The following JCAD variants were observed in gnomAD, a reference collection of about 807,000 sequenced individuals.
The protein encoded by JCAD is junctional cadherin 5 associated.
Under a neutral mutation model 98.0 loss-of-function variants are expected in JCAD, and 40 were observed. That is an observed-to-expected ratio of 0.41 (90% CI 0.32 to 0.53). JCAD has a LOEUF of 0.53. Among genes scored for constraint, JCAD ranks in the 20% least tolerant of loss-of-function variants. The pLI, the probability that JCAD is intolerant of heterozygous loss-of-function variation, is 0.31. For synonymous variants in JCAD, 691 were observed against 682.3 expected (o/e 1.01, Z -0.20); for missense variants, 1,705 against 1,738.1 (o/e 0.98, Z 0.34).
At position 30,016,643 on chromosome 10, in the gene JCAD, G is replaced by T. The variant is rs1367093745; in HGVS notation, c.*1240C>A. ...TCAAGATCATTCTAGATAAAAATAC[G>T]TATTTCTTTAAAGGGGTGGGGTGGC... On this transcript the variant is annotated 3_prime_UTR_variant, in exon 4 of 4. Transcript: ENST00000375377. 1 of 151,112 alleles carries T rather than the reference G, an allele frequency of 6.6e-6. No individual in the cohort carries two copies. The highest frequency in any genetic ancestry group is 2.4e-5 in the African/African-American group (1 of 41,166). 9.4% of individuals were successfully genotyped at this position (151,112 alleles called of 1,614,324 possible). A position where few individuals can be genotyped will look rare whatever the true frequency, so the allele number is the denominator to read the frequency against.
At chr10:30,025,995 G>T in intron 3 of JCAD, 108 bp downstream of exon 3, 1 of 1,277,226 alleles carries the variant, frequency 7.8e-7, no homozygotes, top group Non-Finnish European at 1.1e-6. Flanking sequence ...GGGTCAACTT[G>T]ATCTTTTCTG....
At chr10:30,064,170 T>C (rs1300736053), upstream of JCAD, among the ~76,000 whole-genome samples, 1 of 152,142 alleles carries the variant, frequency 6.6e-6, no homozygotes, top group East Asian at 1.9e-4. Flanking sequence ...TGGATTAATC[T>C]ATTCATGGAT....
At chr10:30,092,126 A>ATATATATATATATATATAT (rs1491284119) in intron 1 of JCAD, among the ~76,000 whole-genome samples, 7 of 107,076 alleles carry the variant, frequency 6.5e-5, no homozygotes, top group South Asian at 2.9e-4. Flanking sequence ...ATATATATAT[A>ATATATATATATATATATAT]AAAAACATTT....
chr10:30,063,941 G>A (rs188387682), upstream of JCAD, among the ~76,000 whole-genome samples: 2 of 152,092 alleles, frequency 1.3e-5, no homozygotes, highest in Admixed American at 1.3e-4. Flanking sequence ...TGAATAGCTG[G>A]GATTATAGGC....
At chr10:30,102,892 C>A (rs925718831) in intron 1 of JCAD, among the ~76,000 whole-genome samples, 4 of 152,150 alleles carry the variant, frequency 2.6e-5, no homozygotes, top group African/African-American at 9.7e-5. Context: ...AGGGCATGTG[C>A]AGGGGAACTC....
At chr10:30,078,573 A>G (rs1838020252) in intron 1 of JCAD, among the ~76,000 whole-genome samples, 1 of 152,204 alleles carries the variant, frequency 6.6e-6, no homozygotes, top group Admixed American at 6.5e-5. Flanking sequence ...TTTTGAGGAC[A>G]ACGATGATTG....
chr10:30,090,612 C>T (rs991495461), intron 1 of JCAD, among the ~76,000 whole-genome samples: 12 of 151,794 alleles, frequency 7.9e-5, no homozygotes, highest in African/African-American at 2.9e-4. Flanking sequence ...TGTGAACATT[C>T]GACTTCTTAT....
chr10:30,084,084 T>A (rs1201582355), intron 1 of JCAD, among the ~76,000 whole-genome samples: 2,244 of 80,506 alleles, frequency 0.028, no homozygotes, highest in South Asian at 0.038. Context: ...AAAGAAAGAG[T>A]GAGAGAAAGA....
At chr10:30,075,386 C>T (rs1837964829) in intron 1 of JCAD, among the ~76,000 whole-genome samples, 1 of 152,174 alleles carries the variant, frequency 6.6e-6, no homozygotes, top group African/African-American at 2.4e-5. Flanking sequence ...ATGCTCTTCT[C>T]ATTAAACCCG....
intron 1 of JCAD, among the ~76,000 whole-genome samples, chr10:30,104,295 T>G (rs1235706141): frequency 6.6e-6 from 1 of 152,142 alleles, no homozygotes; most frequent in Non-Finnish European, 1.5e-5. Context: ...AGTAACTTTA[T>G]TAGAGCTGTG....
intron 1 of JCAD, among the ~76,000 whole-genome samples, chr10:30,103,674 C>T (rs1471932867): frequency 1.3e-5 from 2 of 151,412 alleles, no homozygotes; most frequent in African/African-American, 4.9e-5. Flanking sequence ...CAAATAAGCC[C>T]TTTCTCTATT....
chr10:30,056,418 G>A (rs12258013), intron 1 of JCAD, among the ~76,000 whole-genome samples: 3,855 of 151,974 alleles, frequency 0.025, 157 homozygotes, highest in African/African-American at 0.088. Flanking sequence ...TAAGTAAAAA[G>A]GAAAAGTTCC....
intron 1 of JCAD, among the ~76,000 whole-genome samples, chr10:30,085,520 A>G (rs1336706293): frequency 6.6e-6 from 1 of 152,204 alleles, no homozygotes; most frequent in Admixed American, 6.5e-5. Context: ...CAGTGTGATC[A>G]TGAAAAGCTC....
intron 3 of JCAD, among the ~76,000 whole-genome samples, chr10:30,019,143 G>T (rs1262377616): frequency 6.6e-6 from 1 of 152,010 alleles, no homozygotes; most frequent in Non-Finnish European, 1.5e-5. Context: ...ATCACCTGAG[G>T]TTGGGAGTTC....
intron 1 of JCAD, among the ~76,000 whole-genome samples, chr10:30,076,012 T>C (rs1837974486): frequency 6.6e-6 from 1 of 152,076 alleles, no homozygotes; most frequent in Non-Finnish European, 1.5e-5. Flanking sequence ...AATTTGTAAA[T>C]ATGGTTCAAA....
intron 1 of JCAD, among the ~76,000 whole-genome samples, chr10:30,071,648 T>C (rs1837893221): frequency 6.6e-6 from 1 of 151,758 alleles, no homozygotes. Context: ...CTACTAAAAA[T>C]ACAAAAATTA....
chr10:30,029,463 A>T lies in JCAD; in HGVS notation c.685T>A (p.Ser229Thr). Residue 229 changes from serine to threonine, a missense_variant, in exon 3 of 4, where the codon TCT (serine) becomes ACT (threonine). Physicochemically the swap from Ser to Thr is moderately conservative, Grantham distance 58. This residue lies in a region of JCAD where 275 missense variants were observed against 346.9 expected (regional missense o/e 0.79). Transcript: ENST00000375377. Reference protein sequence around the residue: ...HVLNSQNKGKSRSLPRVLSPE... With the variant: ...HVLNSQNKGKTRSLPRVLSPE... ...GAAAGAACTCTAGGCAGTGAGCGAG[A>T]CTTCCCTTTGTTTTGAGAATTCAAC... The T allele has an allele frequency of 1.9e-6, 3 of 1,614,012 alleles. No individual in the cohort carries two copies. The highest frequency in any genetic ancestry group is 2.5e-6 in the Non-Finnish European group (3 of 1,179,972).
At chr10:30,020,617 C>T (rs1375168283) in intron 3 of JCAD, among the ~76,000 whole-genome samples, 1 of 152,216 alleles carries the variant, frequency 6.6e-6, no homozygotes, top group Admixed American at 6.5e-5. Flanking sequence ...ACGTCATCAG[C>T]TGCACGCAGG....
chr10:30,094,927 T>C (rs1838344736), intron 1 of JCAD, among the ~76,000 whole-genome samples: 1 of 152,120 alleles, frequency 6.6e-6, no homozygotes, highest in African/African-American at 2.4e-5. Flanking sequence ...CATTTGGGAG[T>C]GCAAAGGAGG....
Sources: gnomAD v4.1 joint callset for allele counts (sites outside exome capture counted in the v4.1 genomes callset) on GRCh38, gnomAD v4.1.1 for gene constraint, gnomAD v4.1.1 regional missense constraint, MANE v1.5 for transcripts, NCBI Gene and HGNC (gene_info 2026-07-23, HGNC 2026-07-21) for gene names.